RERE: variants seen among roughly 807,000 people sequenced by gnomAD.
The protein encoded by RERE is arginine-glutamic acid dipeptide repeats.
In RERE, 40 loss-of-function variants were observed where a neutral mutation model predicts 146.1. The observed-to-expected ratio is 0.27, with a 90% confidence interval of 0.21 to 0.36. RERE has a LOEUF of 0.36. RERE is among the 10% of genes least tolerant of loss of function. The probability of loss-of-function intolerance (pLI) is 1.00; values close to 1 mark genes in which losing one functional copy is unlikely to be tolerated. For synonymous variants in RERE, 1,003 were observed against 866.0 expected, an observed-to-expected ratio of 1.16 and a Z score of -2.78; for missense variants, 1,933 against 2,138.7, an observed-to-expected ratio of 0.90 and a Z score of 1.90.
chr1:8,498,732 T>TACACACACACACACACACACACACAC (rs1553175300), intron 8 of RERE, among the ~76,000 whole-genome samples: 1 of 107,836 alleles, frequency 9.3e-6, no homozygotes, highest in Non-Finnish European at 1.8e-5. Flanking sequence ...AATAAATATA[T>TACACACACACACACACACACACACAC]ACACACACAC....
chr1:8,630,063 A>G (rs770001876), intron 2 of RERE, among the ~76,000 whole-genome samples: 3 of 152,216 alleles, frequency 2.0e-5, no homozygotes, highest in African/African-American at 4.8e-5. Flanking sequence ...GTAACAGTCA[A>G]TGAGGTACAG....
At chr1:8,791,265 A>G (rs903753945) in intron 1 of RERE, among the ~76,000 whole-genome samples, 1 of 152,222 alleles carries the variant, frequency 6.6e-6, no homozygotes, top group African/African-American at 2.4e-5. Flanking sequence ...TGCCCAAGAT[A>G]GTATATGCAC....
At chr1:8,653,077 A>T (rs1212734179) in intron 2 of RERE, among the ~76,000 whole-genome samples, 4 of 152,204 alleles carry the variant, frequency 2.6e-5, no homozygotes, top group African/African-American at 9.7e-5. Context: ...ACAGTCCCAT[A>T]AATGGGAAAA....
chr1:8,689,733 T>C (rs756894488), intron 1 of RERE, among the ~76,000 whole-genome samples: 10 of 149,078 alleles, frequency 6.7e-5, no homozygotes, highest in African/African-American at 2.5e-4. Context: ...ATTATAAGAC[T>C]GACAAATTAA....
intron 2 of RERE, among the ~76,000 whole-genome samples, chr1:8,630,415 GAA>G (rs981744280): frequency 6.6e-6 from 1 of 151,996 alleles, no homozygotes; most frequent in Non-Finnish European, 1.5e-5. Context: ...AAAAAAAAAA[GAA>G]GAGAGAGATC....
chr1:8,737,501 C>A (rs2124497166), intron 1 of RERE, among the ~76,000 whole-genome samples: 1 of 152,152 alleles, frequency 6.6e-6, no homozygotes. Flanking sequence ...CGTTGTCGAA[C>A]CTTTGAAAAA....
chr1:8,613,129 T>G (rs1343312776), intron 4 of RERE, among the ~76,000 whole-genome samples: 2 of 152,220 alleles, frequency 1.3e-5, no homozygotes, highest in East Asian at 3.8e-4. Context: ...ACTTGGAATT[T>G]TCACCATCTT....
chr1:8,676,158 C>T (rs1638836329), intron 1 of RERE, among the ~76,000 whole-genome samples: 1 of 152,148 alleles, frequency 6.6e-6, no homozygotes, highest in Non-Finnish European at 1.5e-5. Flanking sequence ...CATTACAAAA[C>T]TTATAAATGA....
chr1:8,536,492 AC>A (rs1333258796), intron 7 of RERE, among the ~76,000 whole-genome samples: 1 of 152,170 alleles, frequency 6.6e-6, no homozygotes, highest in East Asian at 1.9e-4. Flanking sequence ...GTAAGCTAAG[AC>A]CAATCTATTT....
intron 1 of RERE, among the ~76,000 whole-genome samples, chr1:8,794,715 G>A (rs532222055): frequency 6.6e-5 from 10 of 151,940 alleles, no homozygotes; most frequent in Middle Eastern, 3.2e-3. Context: ...TGGGCAACAC[G>A]GCAAAACCCC....
chr1:8,461,611 A>G (rs371798568), intron 11 of RERE, among the ~76,000 whole-genome samples: 2 of 152,210 alleles, frequency 1.3e-5, no homozygotes, highest in South Asian at 4.1e-4. Context: ...GCCCCAAAGC[A>G]ACTTCAATTA....
chr1:8,729,328 G>A (rs2124484671), intron 1 of RERE, among the ~76,000 whole-genome samples: 1 of 148,876 alleles, frequency 6.7e-6, no homozygotes, highest in East Asian at 2.1e-4. Context: ...GGTTTCAAGT[G>A]ATTCTCCTGC....
chr1:8,416,389 T>G (rs574735866), intron 12 of RERE, among the ~76,000 whole-genome samples: 3 of 151,948 alleles, frequency 2.0e-5, no homozygotes, highest in South Asian at 2.1e-4. Context: ...ATCGAGACCA[T>G]CCTGGTTAAC....
intron 20 of RERE, among the ~76,000 whole-genome samples, chr1:8,357,096 C>T (rs1170969218): frequency 6.6e-6 from 1 of 152,212 alleles, no homozygotes; most frequent in Non-Finnish European, 1.5e-5. Flanking sequence ...TTTTCCAGAA[C>T]ATATACTTTC....
chr1:8,512,807 TG>T (rs1349940867), intron 7 of RERE: 1 of 152,204 alleles, frequency 6.6e-6, no homozygotes, highest in Non-Finnish European at 1.5e-5. Context: ...CTGGGTTCCA[TG>T]GAAGCCACCA....
At chr1:8,595,650 C>T (rs1409133547) in intron 4 of RERE, among the ~76,000 whole-genome samples, 2 of 152,004 alleles carry the variant, frequency 1.3e-5, no homozygotes, top group African/African-American at 2.4e-5. Context: ...TATTTAATTG[C>T]TCCTAGCATT....
intron 7 of RERE, among the ~76,000 whole-genome samples, chr1:8,526,400 A>T (rs2124354780): frequency 6.6e-6 from 1 of 152,230 alleles, no homozygotes; most frequent in Middle Eastern, 3.4e-3. Context: ...CAACTAATAG[A>T]AATACTGCAA....
intron 19 of RERE, 62 bp from the exon 20 acceptor site, chr1:8,358,978 C>T: frequency 6.7e-7 from 1 of 1,489,446 alleles, no homozygotes; most frequent in Non-Finnish European, 8.9e-7. Context: ...GCTTGGTCCA[C>T]ACTGCGGAGG....
intron 12 of RERE, among the ~76,000 whole-genome samples, chr1:8,371,499 A>G (rs1642034990): frequency 6.6e-6 from 1 of 152,176 alleles, no homozygotes. Flanking sequence ...GGGCCTTAGG[A>G]GAGAAGGAAA....
Sources: gnomAD v4.1 joint callset for allele counts (sites outside exome capture counted in the v4.1 genomes callset) on GRCh38, gnomAD v4.1.1 for gene constraint, MANE v1.5 for transcripts, NCBI Gene and HGNC (gene_info 2026-07-23, HGNC 2026-07-21) for gene names.